The following WDR7 variants were observed in gnomAD, a reference collection of about 807,000 sequenced individuals.
The protein encoded by WDR7 is WD repeat-containing protein 7.
WDR7 carries 46 observed loss-of-function variants against 169.4 expected under a neutral mutation model. The ratio of observed to expected loss-of-function variants is 0.27; its 90% CI spans 0.21 to 0.35. WDR7 has a LOEUF of 0.35. Among genes scored for constraint, WDR7 ranks in the 10% least tolerant of loss-of-function variants. The pLI, the probability that WDR7 is intolerant of heterozygous loss-of-function variation, is 1.00. For missense variants in WDR7, 1,534 were observed against 1,859.3 expected, an observed-to-expected ratio of 0.83 and a Z score of 3.22; for synonymous variants, 612 against 666.8, an observed-to-expected ratio of 0.92 and a Z score of 1.27.
At chr18:56,913,797 AAAAAT>A (rs1481373831) in intron 21 of WDR7, among the ~76,000 whole-genome samples, 3 of 123,724 alleles carry the variant, frequency 2.4e-5, no homozygotes, top group South Asian at 3.2e-4. Flanking sequence ...CCTGTTTCAA[AAAAAT>A]AAAATAAAAA....
chr18:56,760,448 C>G (rs535585156), intron 16 of WDR7, among the ~76,000 whole-genome samples: 8 of 152,212 alleles, frequency 5.3e-5, no homozygotes, highest in African/African-American at 1.9e-4. Flanking sequence ...GTCAATTAAA[C>G]AGTATATATT....
chr18:56,986,219 G>A (rs928057331), intron 26 of WDR7, among the ~76,000 whole-genome samples: 2 of 150,032 alleles, frequency 1.3e-5, no homozygotes, highest in African/African-American at 2.5e-5. Context: ...ACTAGGGTCT[G>A]TTTCCAAAAC....
intron 12 of WDR7, among the ~76,000 whole-genome samples, chr18:56,705,231 T>C (rs1323120394): frequency 6.6e-6 from 1 of 152,216 alleles, no homozygotes; most frequent in African/African-American, 2.4e-5. Context: ...TAGACATTCA[T>C]TGGGCAAATA....
At chr18:56,742,938 A>G (rs1012248935) in intron 14 of WDR7, among the ~76,000 whole-genome samples, 15 of 98,934 alleles carry the variant, frequency 1.5e-4, no homozygotes, top group East Asian at 5.1e-4. Context: ...GTGGCTTTCA[A>G]ACTTTAAAAA....
chr18:56,696,227 A>C lies in WDR7; in HGVS notation c.1358-15A>C, dbSNP rs747528508. 4.4e-6 allele frequency: 7 copies of C among 1,585,354 alleles called. No individual in the cohort carries two copies. In the East Asian group the frequency reaches 1.1e-4, roughly 25 times the overall value. On this transcript the variant is annotated splice_polypyrimidine_tract_variant and intron_variant, in intron 11 of 27. Coordinates refer to ENST00000254442, the MANE Select transcript of WDR7 (RefSeq NM_015285.3). ...CTTTAATTTTCCCATTTTAAATCCAAACCCTCATTCACAGGTTGGCCACCT... is the reference window on the plus strand; with the variant it reads ...CTTTAATTTTCCCATTTTAAATCCACACCCTCATTCACAGGTTGGCCACCT...
At chr18:56,977,311 T>G (rs961679508) in intron 26 of WDR7, among the ~76,000 whole-genome samples, 4 of 152,248 alleles carry the variant, frequency 2.6e-5, no homozygotes, top group Non-Finnish European at 5.9e-5. Context: ...GTAAAGTTAC[T>G]TTAAAAGTTT....
intron 27 of WDR7, 125 bp from the exon 28 acceptor site, chr18:57,026,879 A>G: frequency 3.0e-6 from 3 of 989,518 alleles, no homozygotes; most frequent in Non-Finnish European, 4.5e-6. Context: ...GGTTAAGAAC[A>G]AGCTTAGGTG....
chr18:57,008,961 CAG>C (rs1466316096), intron 26 of WDR7, among the ~76,000 whole-genome samples: 5 of 152,124 alleles, frequency 3.3e-5, no homozygotes, highest in Non-Finnish European at 5.9e-5. Flanking sequence ...ATAAGCAAAT[CAG>C]AAAATTTTAC....
chr18:56,658,145 C>T (rs1012167955), intron 1 of WDR7, among the ~76,000 whole-genome samples: 12 of 152,062 alleles, frequency 7.9e-5, no homozygotes, highest in Non-Finnish European at 1.5e-4. Context: ...GCTCTGTCGC[C>T]CAGGCTAGAG....
At chr18:56,726,561 A>G (rs1328277110) in intron 13 of WDR7, among the ~76,000 whole-genome samples, 6 of 152,282 alleles carry the variant, frequency 3.9e-5, no homozygotes, top group Admixed American at 2.0e-4. Context: ...GGCTGAGACA[A>G]TGGGGTTTTC....
At chr18:56,717,188 C>A (rs2144736809) in intron 12 of WDR7, among the ~76,000 whole-genome samples, 1 of 152,222 alleles carries the variant, frequency 6.6e-6, no homozygotes, top group Non-Finnish European at 1.5e-5. Flanking sequence ...GTTAAGTTTT[C>A]AATTGTTTAT....
intron 12 of WDR7, among the ~76,000 whole-genome samples, chr18:56,713,748 C>A (rs894021486): frequency 2.0e-5 from 3 of 152,048 alleles, no homozygotes. Flanking sequence ...TGTTCAGTAA[C>A]CCAGATCTCT....
chr18:56,657,933 GTT>G (rs991068835), intron 1 of WDR7, among the ~76,000 whole-genome samples: 2 of 144,492 alleles, frequency 1.4e-5, no homozygotes, highest in African/African-American at 2.5e-5. Context: ...AATTACAGGG[GTT>G]TTTTTTTTTG....
At chr18:56,785,169 C>T (rs2044378819) in intron 19 of WDR7, among the ~76,000 whole-genome samples, 1 of 152,152 alleles carries the variant, frequency 6.6e-6, no homozygotes, top group Non-Finnish European at 1.5e-5. Flanking sequence ...GGCTGTTGAA[C>T]AGATTTGCTG....
At chr18:56,758,980 G>A in intron 16 of WDR7, 27 bp downstream of exon 16, 1 of 1,571,878 alleles carries the variant, frequency 6.4e-7, no homozygotes, top group African/African-American at 1.4e-5. Flanking sequence ...TTAAGTAATT[G>A]ACATGACATT....
intron 19 of WDR7, among the ~76,000 whole-genome samples, chr18:56,792,661 T>C (rs28451079): frequency 0.075 from 10,871 of 145,242 alleles, 995 homozygotes; most frequent in African/African-American, 0.22. Flanking sequence ...CAATGAAACC[T>C]TCATGCTGTT....
intron 26 of WDR7, among the ~76,000 whole-genome samples, chr18:56,978,464 T>C (rs377484527): frequency 3.3e-5 from 5 of 152,198 alleles, no homozygotes; most frequent in Admixed American, 2.0e-4. Context: ...CCAACATCCT[T>C]ATTTTTGCAA....
chr18:56,671,625 T>C (rs575510609), intron 1 of WDR7, among the ~76,000 whole-genome samples: 9 of 152,198 alleles, frequency 5.9e-5, no homozygotes, highest in African/African-American at 2.2e-4. Flanking sequence ...TGAGTTTTTC[T>C]TGGGCGTTGG....
chr18:56,843,893 C>T (rs7240972), intron 20 of WDR7, among the ~76,000 whole-genome samples: 7,902 of 144,420 alleles, frequency 0.055, 739 homozygotes, highest in African/African-American at 0.19. Flanking sequence ...GATGGAGTCT[C>T]GCTGTGTTGC....
Sources: allele counts gnomAD v4.1 joint callset (sites outside exome capture counted in the v4.1 genomes callset), GRCh38; gene constraint gnomAD v4.1.1; transcripts MANE v1.5; gene names NCBI Gene and HGNC (gene_info 2026-07-23, HGNC 2026-07-21).